Variants in CDHR1 observed in about 807,000 individuals in gnomAD.
CDHR1 encodes the protein cadherin-related family member 1.
A neutral mutation model predicts 72.1 loss-of-function variants in CDHR1; 61 were observed. That is an observed-to-expected ratio of 0.85 (90% CI 0.69 to 1.05). CDHR1 has a LOEUF of 1.05. Among genes scored for constraint, CDHR1 ranks in the 50% least tolerant of loss-of-function variants. The probability of loss-of-function intolerance (pLI) is 0.00; values close to 1 mark genes in which losing one functional copy is unlikely to be tolerated. For synonymous variants in CDHR1, 470 were observed against 448.1 expected, an observed-to-expected ratio of 1.05 and a Z score of -0.62; for missense variants, 1,186 against 1,115.7, an observed-to-expected ratio of 1.06 and a Z score of -0.90.
intron 12 of CDHR1, 143 bp downstream of exon 12, chr10:84,209,024 C>T: frequency 2.2e-6 from 2 of 924,390 alleles, no homozygotes; most frequent in Non-Finnish European, 3.4e-6. Flanking sequence ...TCTGCCCCTC[C>T]TGCAGATTGC....
At position 84,196,368 on chromosome 10, in the gene CDHR1, C is replaced by T. The variant is rs921224180; in HGVS notation, c.152-137C>T. 4 of 918,436 alleles carry T rather than the reference C, an allele frequency of 4.4e-6. No homozygotes were observed. In the Admixed American group the frequency reaches 7.8e-5, roughly 18 times the overall value. The allele number at this position is 918,436 out of a possible 1,614,324, so 56.9% of individuals were successfully genotyped here. A position where few individuals can be genotyped will look rare whatever the true frequency, so the allele number is the denominator to read the frequency against. On this transcript the variant is annotated intron_variant, in intron 2 of 16. Coordinates refer to ENST00000623527, the MANE Select transcript of CDHR1 (RefSeq NM_033100.4). ...CAGGGGTGAGGCCAGCAATGAGCAC[C>T]AAGTTCAGGGCAGTACCTTTGGCAC...
In CDHR1 at chr10:84,216,164, T is replaced by C; in HGVS notation, c.*1543T>C. On this transcript the variant is annotated 3_prime_UTR_variant, in exon 17 of 17. Coordinates refer to ENST00000623527, the MANE Select transcript of CDHR1 (RefSeq NM_033100.4). ...GAGAGAGAAAAGTAGAACAGTTCTT[T>C]GCATTTGGCTCTACTTACTAACAAC... is the stretch of plus-strand genomic sequence containing the variant. The C allele has an allele frequency of 1.3e-5, 13 of 985,494 alleles. No individual in the cohort carries two copies. Among genetic ancestry groups the C allele is most frequent in the Non-Finnish European group, 1.4e-5 (12 of 829,940 alleles). The allele number at this position is 985,494 out of a possible 1,614,324, so 61.0% of individuals were successfully genotyped here.
rs761504104 is a variant in CDHR1, at chr10:84,214,194, T to C, written c.2153T>C (p.Leu718Pro). The C allele has an allele frequency of 5.0e-6, 8 of 1,614,138 alleles. No homozygotes were observed. The highest frequency in any genetic ancestry group is 6.8e-6 in the Non-Finnish European group (8 of 1,180,030). The change falls in exon 17 of 17, where the codon CTC (leucine) becomes CCC (proline). Residue 718 changes from leucine to proline, a missense_variant. Leu to Pro is a moderately conservative substitution (Grantham distance 98). Transcript: ENST00000623527. ...TMATVVAITVLISTATFWRNK... is the reference protein window; with the variant it reads ...TMATVVAITVPISTATFWRNK... Reference sequence around the variant, plus strand: ...GCCACCGTCGTGGCCATCACTGTCCTCATCTCCACCGCCACCTTCTGGCGC... The same window carrying C: ...GCCACCGTCGTGGCCATCACTGTCCCCATCTCCACCGCCACCTTCTGGCGC...
intron 4 of CDHR1, 130 bp from the exon 5 acceptor site, chr10:84,198,902 A>AAGAGAG (rs59594596): frequency 1.8e-4 from 126 of 696,610 alleles, no homozygotes; most frequent in Admixed American, 5.4e-4. Flanking sequence ...TAAAAGAAGG[A>AAGAGAG]AGAGAGAGAG....
rs73317918 is a variant in CDHR1, at chr10:84,215,981, C to A, written c.*1360C>A. 1.9e-3 allele frequency: 1,883 copies of A among 984,994 alleles called. 32 individuals are homozygous for A. The African/African-American group carries it at 0.031, about 16-fold the overall frequency. The allele number at this position is 984,994 out of a possible 1,614,324, so 61.0% of individuals were successfully genotyped here. A position where few individuals can be genotyped will look rare whatever the true frequency, so the allele number is the denominator to read the frequency against. ...GAATGCTTTGCTTGAGGCCACACAG[C>A]AGGTTGGTAGCAAAGATCTTGTCTA... is the stretch of plus-strand genomic sequence containing the variant. On this transcript the variant is annotated 3_prime_UTR_variant, in exon 17 of 17. Transcript: ENST00000623527.
At position 84,213,293 on chromosome 10, in the gene CDHR1, G is replaced by A; in HGVS notation, c.1985G>A (p.Gly662Asp). ...CTAGAGGTGCAGGCCAAGGACCGGG[G>A]CTCCCCATCCTTCAGCACCACAGCC... Reference protein sequence around the residue: ...WSLEVQAKDRGSPSFSTTALL... With the variant: ...WSLEVQAKDRDSPSFSTTALL... The change falls in exon 16 of 17, where the codon GGC becomes GAC. Residue 662 changes from glycine (G) to aspartate (D), a missense_variant. Transcript: ENST00000623527. The A allele has an allele frequency of 6.2e-7, 1 of 1,614,226 alleles. No individual in the cohort carries two copies. Among genetic ancestry groups the A allele is most frequent in the Non-Finnish European group, 8.5e-7 (1 of 1,180,050 alleles).
intron 1 of CDHR1, 126 bp from the exon 2 acceptor site, chr10:84,195,368 G>A: frequency 1.2e-6 from 1 of 867,852 alleles, no homozygotes; most frequent in South Asian, 1.4e-5. Flanking sequence ...CACTTGGGTT[G>A]GGGAGGCGGA....
At chr10:84,195,611 T>C (rs1382566891) in intron 2 of CDHR1, 22 bp downstream of exon 2, 3 of 1,587,550 alleles carry the variant, frequency 1.9e-6, no homozygotes, top group East Asian at 4.5e-5. Flanking sequence ...TGGCACCTGC[T>C]CCCGATAGGT....
In CDHR1 at chr10:84,218,511, A is replaced by C. The variant is rs986204027; in HGVS notation, c.*3890A>C. On this transcript the variant is annotated 3_prime_UTR_variant, in exon 17 of 17. Transcript: ENST00000623527. The stretch of plus-strand genomic sequence containing the variant: ...AGGTGTATGTCTCTAACAAGATAGA[A>C]GGAAAGAAGAAAAGAAAAAGAACAA... The C allele has an allele frequency of 4.1e-6, 4 of 985,320 alleles. No individual in the cohort carries two copies. In the African/African-American group the frequency reaches 7.0e-5, roughly 17 times the overall value. 61.0% of individuals were successfully genotyped at this position (985,320 alleles called of 1,614,324 possible). A position where few individuals can be genotyped will look rare whatever the true frequency, so the allele number is the denominator to read the frequency against.
intron 16 of CDHR1, 125 bp from the exon 17 acceptor site, chr10:84,213,957 T>C: frequency 8.0e-7 from 1 of 1,246,786 alleles, no homozygotes; most frequent in South Asian, 1.2e-5. Context: ...GCCTATCAGA[T>C]TCTCAAAGGG....
intron 10 of CDHR1, among the ~76,000 whole-genome samples, chr10:84,207,185 C>T (rs1418685073): frequency 6.6e-6 from 1 of 151,776 alleles, no homozygotes; most frequent in East Asian, 1.9e-4. Flanking sequence ...ATAAAAGCAC[C>T]CAGAGGAAGA....
At position 84,201,995 on chromosome 10, in the gene CDHR1, G is replaced by C. The variant is rs1454983653; in HGVS notation, c.639+75G>C. The C allele has an allele frequency of 5.3e-6, 6 of 1,126,946 alleles. No individual in the cohort carries two copies. In the East Asian group the frequency reaches 7.6e-5, roughly 14 times the overall value. 69.8% of individuals were successfully genotyped at this position (1,126,946 alleles called of 1,614,324 possible). A position where few individuals can be genotyped will look rare whatever the true frequency, so the allele number is the denominator to read the frequency against. On this transcript the variant is annotated intron_variant, in intron 7 of 16. Coordinates refer to ENST00000623527, the MANE Select transcript of CDHR1 (RefSeq NM_033100.4). Reference sequence around the variant, plus strand: ...TGGAACCAAGTTAGGTTCTACAGGGGAGTGGGAGCAGTTTGGAGAGCAGGA... The same window carrying C: ...TGGAACCAAGTTAGGTTCTACAGGGCAGTGGGAGCAGTTTGGAGAGCAGGA...
chr10:84,211,511 C>A, intron 13 of CDHR1, 137 bp from the exon 14 acceptor site: 3 of 783,610 alleles, frequency 3.8e-6, no homozygotes, highest in Non-Finnish European at 6.7e-6. Flanking sequence ...CCGGGCAGGT[C>A]TCTCCACCAA....
intron 10 of CDHR1, among the ~76,000 whole-genome samples, chr10:84,207,693 T>C (rs76836529): frequency 0.04 from 6,127 of 152,286 alleles, 164 homozygotes; most frequent in Middle Eastern, 0.065. Context: ...TCATAGTTTC[T>C]GTGGTTCAGG....
chr10:84,208,748 A>G lies in CDHR1; in HGVS notation c.1187A>G (p.Asn396Ser), dbSNP rs145353541. The change falls in exon 12 of 17, where the codon AAC becomes AGC. Residue 396 changes from asparagine (N) to serine (S), a missense_variant. By Grantham distance (46) the Asn-to-Ser change is conservative. Coordinates refer to ENST00000623527, the MANE Select transcript of CDHR1 (RefSeq NM_033100.4). ...DSDQGANAKF[N>S]LQLVGPRGIF... ...CTCTAGGGAGCCAATGCCAAATTCA[A>G]CTTGCAGCTGGTGGGACCCAGGGGC... 246 of 1,614,076 alleles carry G rather than the reference A, an allele frequency of 1.5e-4. No individual in the cohort carries two copies. Among genetic ancestry groups the G allele is most frequent in the East Asian group, 6.7e-4 (30 of 44,902 alleles).
Position 84,213,232 on chromosome 10 carries a change from C to G in CDHR1, c.1924C>G (p.His642Asp). The change falls in exon 16 of 17, where the codon CAC becomes GAC. Residue 642 changes from histidine (H) to aspartate (D), a missense_variant. By Grantham distance (81) the His-to-Asp change is moderately conservative (BLOSUM62 -1). Coordinates refer to ENST00000623527, the MANE Select transcript of CDHR1 (RefSeq NM_033100.4). Reference sequence around the variant, plus strand: ...TTCCATCCGCTCCCTGGATGCCCTGCACAACATCACACCTGGAAGGGACTG... The same window carrying G: ...TTCCATCCGCTCCCTGGATGCCCTGGACAACATCACACCTGGAAGGGACTG... Reference protein sequence around the residue: ...KNSIRSLDALHNITPGRDCLW... With the variant: ...KNSIRSLDALDNITPGRDCLW... The G allele has an allele frequency of 6.2e-7, 1 of 1,614,244 alleles. No homozygotes were observed.
rs149043166 is a variant in CDHR1 at position 84,213,181 on chromosome 10, C to G, written c.1873C>G (p.His625Asp). 479 of 1,614,232 alleles carry G rather than the reference C, an allele frequency of 3.0e-4. No individual in the cohort carries two copies. In the African/African-American group the frequency reaches 5.7e-3, roughly 19 times the overall value. The change falls in exon 16 of 17, where the codon CAC becomes GAC. Residue 625 changes from histidine (H) to aspartate (D), a missense_variant. Physicochemically the swap from His to Asp is moderately conservative, Grantham distance 81 (BLOSUM62 -1). Transcript: ENST00000623527. ...CGCCAACGTGTTCGACATCAATTCCCACACGGGGGAGATCTGGCTCAAGAA... is the reference window on the plus strand; with the variant it reads ...CGCCAACGTGTTCGACATCAATTCCGACACGGGGGAGATCTGGCTCAAGAA... The part of the protein sequence containing the change: ...EPANVFDINS[H>D]TGEIWLKNSI...
At position 84,213,349 on chromosome 10, in the gene CDHR1, G is replaced by A; in HGVS notation, c.2040+1G>A. 1 of 1,614,164 alleles carries A rather than the reference G, an allele frequency of 6.2e-7. No individual in the cohort carries two copies. The highest frequency in any genetic ancestry group is 8.5e-7 in the Non-Finnish European group (1 of 1,180,038). On this transcript the variant is annotated splice_donor_variant, in intron 16 of 16. Coordinates refer to ENST00000623527, the MANE Select transcript of CDHR1 (RefSeq NM_033100.4). LOFTEE classifies it high-confidence loss of function. ...CAAGATTGACATCACAGATGCTGAG[G>A]TGAGTACAAAGCCATGGTCAGGAAA...
chr10:84,210,959 G>A (rs1277161157), intron 12 of CDHR1, 42 bp from the exon 13 acceptor site: 2 of 1,609,198 alleles, frequency 1.2e-6, no homozygotes, highest in Non-Finnish European at 1.7e-6. Flanking sequence ...TCTGCAGCAT[G>A]AGTGCCTACC....
Sources: allele counts gnomAD v4.1 joint callset (sites outside exome capture counted in the v4.1 genomes callset), GRCh38; gene constraint gnomAD v4.1.1; transcripts MANE v1.5; gene names NCBI Gene and HGNC (gene_info 2026-07-23, HGNC 2026-07-21).